DCPS: variants seen among roughly 807,000 people sequenced by gnomAD.
The protein encoded by DCPS is m7GpppX diphosphatase.
A neutral mutation model predicts 34.7 loss-of-function variants in DCPS; 27 were observed. The observed-to-expected ratio is 0.78, with a 90% CI of 0.57 to 1.07. DCPS has a LOEUF of 1.07. Ranked by LOEUF, DCPS falls within the 50% of genes least tolerant of loss-of-function variation. DCPS has a pLI of 0.00. For synonymous variants in DCPS, 185 were observed against 185.7 expected, an observed-to-expected ratio of 1.00 and a Z score of 0.03; for missense variants, 464 against 436.9, an observed-to-expected ratio of 1.06 and a Z score of -0.55.
rs554854935 is a variant in DCPS at position 126,331,339 on chromosome 11, C to T, written c.377-66C>T. Reference sequence around the variant, plus strand: ...GCCAGGGTGGGAGTTCTCTCCTCACCGTGGTGCCTGTGGCATAGAGAGTGG... The same window carrying T: ...GCCAGGGTGGGAGTTCTCTCCTCACTGTGGTGCCTGTGGCATAGAGAGTGG... On this transcript the variant is annotated intron_variant, in intron 2 of 5. Transcript: ENST00000263579. The surrounding 1 kb of genome is among the most constrained non-coding windows in gnomAD (Gnocchi z 7.2). The T allele has an allele frequency of 1.2e-5, 19 of 1,583,738 alleles. No individual in the cohort carries two copies. The highest frequency in any genetic ancestry group is 2.7e-5 in the African/African-American group (2 of 74,214).
In DCPS at chr11:126,338,321, G is replaced by A. The variant is rs188471699; in HGVS notation, c.558G>A (p.Ala186=). The A allele has an allele frequency of 9.7e-5, 156 of 1,614,148 alleles. No individual in the cohort carries two copies. The East Asian group carries it at 2.1e-3, about 22-fold the overall frequency. ...ACATTCTCGACAAGAAGGCTGAAGC[G>A]GACCGGATTGTTTTCGAGAACCCAG... ...VYNILDKKAE[A]DRIVFENPDP... Residue 186 remains alanine, a synonymous_variant, in exon 4 of 6, where the codon GCG becomes GCA. Coordinates refer to ENST00000263579, the MANE Select transcript of DCPS (RefSeq NM_014026.6). The surrounding 1 kb of genome is among the most constrained non-coding windows in gnomAD (Gnocchi z 5.4).
intron 2 of DCPS, among the ~76,000 whole-genome samples, chr11:126,326,811 T>C (rs1020254321): frequency 6.6e-6 from 1 of 151,784 alleles, no homozygotes; most frequent in African/African-American, 2.4e-5. Context: ...TAGTCCCAGC[T>C]ACTCAGGAGG....
intron 2 of DCPS, among the ~76,000 whole-genome samples, chr11:126,317,798 C>T (rs1254903621): frequency 1.3e-5 from 2 of 152,194 alleles, no homozygotes; most frequent in Non-Finnish European, 2.9e-5. Flanking sequence ...TGGGGGGGCT[C>T]GCGGCTCTAA....
In DCPS at chr11:126,307,934, C is replaced by T. The variant is rs2135308530; in HGVS notation, c.376+1190C>T. Among the ~76,000 whole-genome samples, 2 of 152,276 alleles carry T rather than the reference C, an allele frequency of 1.3e-5. 1 individual carries two copies. The highest frequency in any genetic ancestry group is 6.8e-3 in the Middle Eastern group (2 of 294). Reference sequence around the variant, plus strand: ...CTAAGGTTTTTCAGTAGACTGGGGTCTTGCTCACCATACTCATTCTGTGGG... The same window carrying T: ...CTAAGGTTTTTCAGTAGACTGGGGTTTTGCTCACCATACTCATTCTGTGGG... On this transcript the variant is annotated intron_variant, in intron 2 of 5. Coordinates refer to ENST00000263579, the MANE Select transcript of DCPS (RefSeq NM_014026.6).
rs973403617 is a variant in DCPS, at chr11:126,346,545, G to A, written c.*932G>A. Among the ~76,000 whole-genome samples the A allele has an allele frequency of 1.3e-5, 2 of 152,196 alleles. No individual in the cohort carries two copies. Among genetic ancestry groups the A allele is most frequent in the Admixed American group, 6.5e-5 (1 of 15,288 alleles). On this transcript the variant is annotated 3_prime_UTR_variant, in exon 6 of 6. Coordinates refer to ENST00000263579, the MANE Select transcript of DCPS (RefSeq NM_014026.6). This position sits in a 1 kb window ranked among gnomAD's most constrained non-coding sequence, Gnocchi z 4.1. Reference sequence around the variant, plus strand: ...GCGCAGGGACATGGCTTGTATGGGCGGGCACACAAGTAAACACACAGGCTC... The same window carrying A: ...GCGCAGGGACATGGCTTGTATGGGCAGGCACACAAGTAAACACACAGGCTC...
Position 126,304,217 on chromosome 11 carries a change from G to C in DCPS, c.137G>C (p.Gly46Ala). 1 of 1,614,250 alleles carries C rather than the reference G, an allele frequency of 6.2e-7. No homozygotes were observed. Among genetic ancestry groups the C allele is most frequent in the Non-Finnish European group, 8.5e-7 (1 of 1,180,046 alleles). ...GCTCCTGTCCGCTTACCGTTCTCCG[G>C]CTTCAGACTGCAGAAGGTGCTGAGG... is the stretch of plus-strand genomic sequence containing the variant. ...TCAPVRLPFS[G>A]FRLQKVLRES... Residue 46 changes from glycine to alanine, a missense_variant, in exon 1 of 6, where the codon GGC (glycine) becomes GCC (alanine). By Grantham distance (60) the Gly-to-Ala change is moderately conservative. Coordinates refer to ENST00000263579, the MANE Select transcript of DCPS (RefSeq NM_014026.6).
At chr11:126,340,255 A>G (rs1951866100) in intron 4 of DCPS, among the ~76,000 whole-genome samples, 1 of 152,164 alleles carries the variant, frequency 6.6e-6, no homozygotes, top group African/African-American at 2.4e-5. Flanking sequence ...GGGTCATGAA[A>G]GGGCCAGCTT....
At chr11:126,311,354 T>C (rs1463359959) in intron 2 of DCPS, among the ~76,000 whole-genome samples, 2 of 152,242 alleles carry the variant, frequency 1.3e-5, no homozygotes, top group East Asian at 3.8e-4. Flanking sequence ...TCTTTATTCA[T>C]TTAACAAATG....
chr11:126,312,513 G>T lies in DCPS; in HGVS notation c.376+5769G>T, dbSNP rs553628305. On this transcript the variant is annotated intron_variant, in intron 2 of 5. Transcript: ENST00000263579. The surrounding 1 kb of genome is among the most constrained non-coding windows in gnomAD (Gnocchi z 5.1). Reference sequence around the variant, plus strand: ...GCCACCACACCCAGCTAATTTTTTTGTATTTTTAATAGAGATGGGTTTTCA... The same window carrying T: ...GCCACCACACCCAGCTAATTTTTTTTTATTTTTAATAGAGATGGGTTTTCA... Among the ~76,000 whole-genome samples, 6 of 151,762 alleles carry T rather than the reference G, an allele frequency of 4.0e-5. No homozygotes were observed. The South Asian group carries it at 1.3e-3, about 32-fold the overall frequency.
In DCPS at chr11:126,347,567, T is replaced by G. The variant is rs1951947217; in HGVS notation, c.*1954T>G. 6.6e-6 allele frequency among the ~76,000 whole-genome samples: 1 copy of G among 152,186 alleles called. No homozygotes were observed. Reference sequence around the variant, plus strand: ...TCCCTAGATTCAGGCAACATGGAGTTGCAGCCAAGGAACTTTGAGGTAGTG... The same window carrying G: ...TCCCTAGATTCAGGCAACATGGAGTGGCAGCCAAGGAACTTTGAGGTAGTG... On this transcript the variant is annotated 3_prime_UTR_variant, in exon 6 of 6. Coordinates refer to ENST00000263579, the MANE Select transcript of DCPS (RefSeq NM_014026.6). The surrounding 1 kb of genome is among the most constrained non-coding windows in gnomAD (Gnocchi z 4.2).
Position 126,319,854 on chromosome 11 carries a change from G to A in DCPS, c.377-11551G>A, listed in dbSNP as rs1020124599. ...GCTCTGCCACTATTAATAGCTGTGT[G>A]TCCTTGGGCAAATTACTCAACATCT... On this transcript the variant is annotated intron_variant, in intron 2 of 5. Transcript: ENST00000263579. The surrounding 1 kb of genome is among the most constrained non-coding windows in gnomAD (Gnocchi z 4.5). Among the ~76,000 whole-genome samples the A allele has an allele frequency of 2.0e-5, 3 of 152,130 alleles. No individual in the cohort carries two copies. The highest frequency in any genetic ancestry group is 7.2e-5 in the African/African-American group (3 of 41,424).
rs1340783733 is a variant in DCPS at position 126,346,957 on chromosome 11, G to A, written c.*1344G>A. ...ACAGAAAAATTAGCCAGGTGTGGTG[G>A]TGGGCTCCTATAATCCCACCTACTT... On this transcript the variant is annotated 3_prime_UTR_variant, in exon 6 of 6. Transcript: ENST00000263579. This position sits in a 1 kb window ranked among gnomAD's most constrained non-coding sequence, Gnocchi z 4.1. 6.6e-6 allele frequency among the ~76,000 whole-genome samples: 1 copy of A among 152,016 alleles called. No homozygotes were observed. Among genetic ancestry groups the A allele is most frequent in the Non-Finnish European group, 1.5e-5 (1 of 68,008 alleles).
rs1337919281 is a variant in DCPS at position 126,328,679 on chromosome 11, A to G, written c.377-2726A>G. Among the ~76,000 whole-genome samples, 1 of 152,156 alleles carries G rather than the reference A, an allele frequency of 6.6e-6. No homozygotes were observed. The highest frequency in any genetic ancestry group is 2.4e-5 in the African/African-American group (1 of 41,440). On this transcript the variant is annotated intron_variant, in intron 2 of 5. Coordinates refer to ENST00000263579, the MANE Select transcript of DCPS (RefSeq NM_014026.6). The surrounding 1 kb of genome is among the most constrained non-coding windows in gnomAD (Gnocchi z 6.6). ...AGCCCGGCTGGGTGACCCTGCCCGCAGAACCCGGCTGCTCTCCAGCGCCCG... is the reference window on the plus strand; with the variant it reads ...AGCCCGGCTGGGTGACCCTGCCCGCGGAACCCGGCTGCTCTCCAGCGCCCG...
Position 126,345,407 on chromosome 11 carries a change from C to T in DCPS, c.808C>T (p.Leu270=). The change falls in exon 6 of 6, where the codon CTG becomes TTG. Residue 270 remains leucine, a synonymous_variant. Transcript: ENST00000263579. The surrounding 1 kb of genome is among the most constrained non-coding windows in gnomAD (Gnocchi z 7.4). The part of the protein sequence containing the change: ...GDHLRVYLHY[L]PSYYHLHVHF... Reference sequence around the variant, plus strand: ...CCATCTGCGAGTATACCTGCACTACCTGCCCTCCTACTACCACCTGCATGT... The same window carrying T: ...CCATCTGCGAGTATACCTGCACTACTTGCCCTCCTACTACCACCTGCATGT... 2 of 1,614,238 alleles carry T rather than the reference C, an allele frequency of 1.2e-6. No individual in the cohort carries two copies. The highest frequency in any genetic ancestry group is 1.3e-5 in the African/African-American group (1 of 75,074).
In DCPS at chr11:126,349,584, C is replaced by T. The variant is rs765392721; in HGVS notation, c.*3971C>T. Among the ~76,000 whole-genome samples, 7 of 152,118 alleles carry T rather than the reference C, an allele frequency of 4.6e-5. No individual in the cohort carries two copies. Among genetic ancestry groups the T allele is most frequent in the African/African-American group, 7.2e-5 (3 of 41,418 alleles). On this transcript the variant is annotated 3_prime_UTR_variant, in exon 6 of 6. Coordinates refer to ENST00000263579, the MANE Select transcript of DCPS (RefSeq NM_014026.6). The surrounding 1 kb of genome is among the most constrained non-coding windows in gnomAD (Gnocchi z 5.4). ...CATGTCCCTGTTGAATACAGATCCCCGAACTGAGAAATAAGAAACAACTAC... is the reference window on the plus strand; with the variant it reads ...CATGTCCCTGTTGAATACAGATCCCTGAACTGAGAAATAAGAAACAACTAC...
At chr11:126,317,101 GGC>G (rs1951668902) in intron 2 of DCPS, among the ~76,000 whole-genome samples, 1 of 151,942 alleles carries the variant, frequency 6.6e-6, no homozygotes. Flanking sequence ...TGGGACTACA[GGC>G]GCGTGCCACC....
intron 4 of DCPS, among the ~76,000 whole-genome samples, chr11:126,340,269 C>T (rs1234458180): frequency 6.6e-6 from 1 of 152,176 alleles, no homozygotes; most frequent in Non-Finnish European, 1.5e-5. Context: ...CCAGCTTAAA[C>T]GTCACACTTT....
At position 126,304,126 on chromosome 11, in the gene DCPS, G is replaced by C. The variant is rs990314891; in HGVS notation, c.46G>C (p.Asp16His). ...ACTAGGCAAGAGGAAGCGCGAATTG[G>C]ACGTGGAGGAGGCCCACGCCGCCAG... ...PQLGKRKREL[D>H]VEEAHAASTE... The change falls in exon 1 of 6, where the codon GAC (aspartate) becomes CAC (histidine). Residue 16 changes from aspartate to histidine, a missense_variant. Transcript: ENST00000263579. 1.2e-5 allele frequency: 19 copies of C among 1,613,816 alleles called. No homozygotes were observed. The highest frequency in any genetic ancestry group is 1.1e-5 in the South Asian group (1 of 91,060).
chr11:126,315,854 C>T lies in DCPS; in HGVS notation c.376+9110C>T, dbSNP rs749748252. 2.0e-5 allele frequency among the ~76,000 whole-genome samples: 3 copies of T among 152,002 alleles called. No homozygotes were observed. Among genetic ancestry groups the T allele is most frequent in the Admixed American group, 6.5e-5 (1 of 15,274 alleles). ...TCAGCCTCCCGAGTAGCTGGGATTA[C>T]GGGTGCCTGCCACCACACCAGGCCA... On this transcript the variant is annotated intron_variant, in intron 2 of 5. Transcript: ENST00000263579. The surrounding 1 kb of genome is among the most constrained non-coding windows in gnomAD (Gnocchi z 6.1).
Sources: gnomAD v4.1 joint callset for allele counts (sites outside exome capture counted in the v4.1 genomes callset) on GRCh38, gnomAD v4.1.1 for gene constraint, Gnocchi (gnomAD v3.1) non-coding constraint, MANE v1.5 for transcripts, NCBI Gene and HGNC (gene_info 2026-07-23, HGNC 2026-07-21) for gene names.